PTPRO: variants seen among roughly 807,000 people sequenced by gnomAD.
PTPRO encodes protein tyrosine phosphatase receptor type O.
A neutral mutation model predicts 145.2 loss-of-function variants in PTPRO; 62 were observed. The observed-to-expected ratio is 0.43, with a 90% CI of 0.35 to 0.53. PTPRO has a LOEUF of 0.53. Among genes scored for constraint, PTPRO ranks in the 20% least tolerant of loss-of-function variants. The probability of loss-of-function intolerance (pLI) is 0.01; values close to 1 mark genes in which losing one functional copy is unlikely to be tolerated. For synonymous variants in PTPRO, 565 were observed against 514.7 expected, an observed-to-expected ratio of 1.10 and a Z score of -1.32; for missense variants, 1,345 against 1,482.7, an observed-to-expected ratio of 0.91 and a Z score of 1.53.
chr12:15,372,432 C>T (rs1388431604), intron 1 of PTPRO, among the ~76,000 whole-genome samples: 1 of 152,156 alleles, frequency 6.6e-6, no homozygotes, highest in African/African-American at 2.4e-5. Context: ...AGGAGACTCA[C>T]TTATTTTCAA....
At chr12:15,549,015 CCAACT>C in intron 13 of PTPRO, 74 bp from the exon 14 acceptor site, 1 of 1,440,450 alleles carries the variant, frequency 6.9e-7, no homozygotes, top group Non-Finnish European at 9.7e-7. Flanking sequence ...CAATCTATTA[CCAACT>C]CAACTATGAA....
intron 1 of PTPRO, among the ~76,000 whole-genome samples, chr12:15,335,067 T>C (rs1172035574): frequency 2.0e-5 from 3 of 152,146 alleles, no homozygotes; most frequent in Non-Finnish European, 4.4e-5. Context: ...TACTATGAGC[T>C]TTCTACTTAC....
At chr12:15,425,656 T>C (rs1940264650) in intron 1 of PTPRO, among the ~76,000 whole-genome samples, 1 of 152,182 alleles carries the variant, frequency 6.6e-6, no homozygotes, top group African/African-American at 2.4e-5. Context: ...AGAAACCTTC[T>C]CAAATGTTAC....
At chr12:15,440,186 T>G in intron 1 of PTPRO, 1 of 681,440 alleles carries the variant, frequency 1.5e-6, no homozygotes, top group Non-Finnish European at 2.6e-6. Flanking sequence ...TATCAATGAC[T>G]GCTACACCTT....
At position 15,534,820 on chromosome 12, in the gene PTPRO, A is replaced by T. The variant is rs563121022; in HGVS notation, c.2164+8558A>T. 2.0e-5 allele frequency among the ~76,000 whole-genome samples: 3 copies of T among 152,334 alleles called. No individual in the cohort carries two copies. In the South Asian group the frequency reaches 6.2e-4, roughly 32 times the overall value. On this transcript the variant is annotated intron_variant, in intron 12 of 26. Coordinates refer to ENST00000281171, the MANE Select transcript of PTPRO (RefSeq NM_030667.3). ...CCTCTGGTTGCTTAATGAGAAAGGG[A>T]TTATTGTATCAACAATGAAAGTAGG...
chr12:15,589,397 G>C (rs1164355475), intron 24 of PTPRO, 58 bp from the exon 25 acceptor site: 3 of 1,610,842 alleles, frequency 1.9e-6, no homozygotes, highest in Admixed American at 1.7e-5. Context: ...AAAAAAGAGG[G>C]GGGAGAAAAA....
At position 15,336,823 on chromosome 12, in the gene PTPRO, T is replaced by A. The variant is rs147178184; in HGVS notation, c.75+14022T>A. ...TGCTAATCTTGGAGGAAAATTTCTTTTCCTCTTTGATCCACATAGTCTGAA... is the reference window on the plus strand; with the variant it reads ...TGCTAATCTTGGAGGAAAATTTCTTATCCTCTTTGATCCACATAGTCTGAA... On this transcript the variant is annotated intron_variant, in intron 1 of 26. Coordinates refer to ENST00000281171, the MANE Select transcript of PTPRO (RefSeq NM_030667.3). Among the ~76,000 whole-genome samples, 238 of 152,294 alleles carry A rather than the reference T, an allele frequency of 1.6e-3. 2 individuals carry two copies. The highest frequency in any genetic ancestry group is 5.6e-3 in the African/African-American group (232 of 41,570).
Position 15,557,458 on chromosome 12 carries a change from G to T in PTPRO, c.2562G>T (p.Glu854Asp), listed in dbSNP as rs776967775. The part of the protein sequence containing the change: ...LRKKHLQMAR[E>D]CGAGTFVNFA... ...TTTTGTGGTTCCTTTAAAACAGGGAGTGTGGAGCTGGTACATTTGTCAATT... is the reference window on the plus strand; with the variant it reads ...TTTTGTGGTTCCTTTAAAACAGGGATTGTGGAGCTGGTACATTTGTCAATT... The change falls in exon 16 of 27, where the codon GAG becomes GAT. Residue 854 changes from glutamate (E) to aspartate (D), a missense_variant. Transcript: ENST00000281171. 1.2e-6 allele frequency: 2 copies of T among 1,613,588 alleles called. No individual in the cohort carries two copies. The highest frequency in any genetic ancestry group is 4.5e-5 in the East Asian group (2 of 44,866).
chr12:15,594,127 T>C (rs1471011450), intron 25 of PTPRO, among the ~76,000 whole-genome samples: 1 of 152,152 alleles, frequency 6.6e-6, no homozygotes. Context: ...AATATTTTTC[T>C]TTTCCAGTTT....
In PTPRO at chr12:15,519,261, C is replaced by T. The variant is rs145519668; in HGVS notation, c.1780-940C>T. ...TTTACTCACTATCATCAGAACAGCA[C>T]GGGAAAGACCTGCCCCCATGATTCA... On this transcript the variant is annotated intron_variant, in intron 9 of 26. Transcript: ENST00000281171. 3.0e-3 allele frequency among the ~76,000 whole-genome samples: 452 copies of T among 152,292 alleles called. 6 individuals are homozygous for T. Among genetic ancestry groups the T allele is most frequent in the Middle Eastern group, 0.014 (4 of 294 alleles).
At chr12:15,483,734 G>GA (rs1406365430) in intron 1 of PTPRO, among the ~76,000 whole-genome samples, 1 of 151,938 alleles carries the variant, frequency 6.6e-6, no homozygotes, top group Non-Finnish European at 1.5e-5. Flanking sequence ...ATTTTCAGTG[G>GA]AAAAAAATCC....
At chr12:15,324,401 A>C (rs1866386896) in intron 1 of PTPRO, among the ~76,000 whole-genome samples, 2 of 152,222 alleles carry the variant, frequency 1.3e-5, no homozygotes. Flanking sequence ...TTAAAATAAA[A>C]TAAATGTGGC....
In PTPRO at chr12:15,454,206, G is replaced by T. The variant is rs539269846; in HGVS notation, c.76-29768G>T. Among the ~76,000 whole-genome samples, 131 of 152,246 alleles carry T rather than the reference G, an allele frequency of 8.6e-4. 1 individual carries two copies. Among genetic ancestry groups the T allele is most frequent in the African/African-American group, 3.0e-3 (124 of 41,550 alleles). Reference sequence around the variant, plus strand: ...TCATTCCCAACAACAGGGTAAAAAGGTTCCAATTTCTCCACATCCCCACCA... The same window carrying T: ...TCATTCCCAACAACAGGGTAAAAAGTTTCCAATTTCTCCACATCCCCACCA... On this transcript the variant is annotated intron_variant, in intron 1 of 26. Transcript: ENST00000281171.
intron 14 of PTPRO, 23 bp from the exon 15 acceptor site, chr12:15,551,528 A>C (rs1238419260): frequency 1.9e-6 from 3 of 1,611,830 alleles, no homozygotes; most frequent in Non-Finnish European, 1.7e-6. Flanking sequence ...CCTATGATGA[A>C]AATGCACAAC....
chr12:15,548,922 G>A (rs919488124), intron 13 of PTPRO, among the ~76,000 whole-genome samples, 172 bp from the exon 14 acceptor site: 4 of 152,030 alleles, frequency 2.6e-5, no homozygotes, highest in Non-Finnish European at 4.4e-5. Context: ...TCCATGGAAG[G>A]GAATTGGTCA....
chr12:15,432,246 ATGCAGTAT>A (rs1940461690), intron 1 of PTPRO, among the ~76,000 whole-genome samples: 2 of 152,216 alleles, frequency 1.3e-5, no homozygotes, highest in Non-Finnish European at 2.9e-5. Context: ...AAGTGAGAAC[ATGCAGTAT>A]TTGGTTTTCC....
chr12:15,567,230 A>G (rs73313543), intron 18 of PTPRO, among the ~76,000 whole-genome samples: 6,849 of 152,014 alleles, frequency 0.045, 489 homozygotes, highest in African/African-American at 0.15. Context: ...CTTCTCTAGA[A>G]GACATTTCTT....
At chr12:15,569,577 C>A in intron 19 of PTPRO, 79 bp downstream of exon 19, 1 of 1,257,244 alleles carries the variant, frequency 8.0e-7, no homozygotes, top group South Asian at 1.2e-5. Context: ...CGGTCATGTC[C>A]CTGCTCACTG....
chr12:15,331,718 C>T (rs1011875931), intron 1 of PTPRO, among the ~76,000 whole-genome samples: 1 of 152,154 alleles, frequency 6.6e-6, no homozygotes, highest in Admixed American at 6.6e-5. Context: ...CTCCACAGTA[C>T]ACTGGAGAGG....
Sources: allele counts gnomAD v4.1 joint callset (sites outside exome capture counted in the v4.1 genomes callset), GRCh38; gene constraint gnomAD v4.1.1; transcripts MANE v1.5; gene names NCBI Gene and HGNC (gene_info 2026-07-23, HGNC 2026-07-21).